DLGAP2: variants seen among roughly 807,000 people sequenced by gnomAD.
The protein encoded by DLGAP2 is DLG associated protein 2, also known as disks large-associated protein 2.
A neutral mutation model predicts 100.3 loss-of-function variants in DLGAP2; 26 were observed. That is an observed-to-expected ratio of 0.26 (90% CI 0.19 to 0.36). The LOEUF is 0.36. Ranked by LOEUF, DLGAP2 falls within the 10% of genes least tolerant of loss-of-function variation. DLGAP2 has a pLI of 1.00. For missense variants in DLGAP2, 1,858 were observed against 1,453.2 expected (o/e 1.28, Z -4.53); for synonymous variants, 886 against 630.1 (o/e 1.41, Z -6.08).
chr8:837,266 C>T (rs1199555059), intron 1 of DLGAP2, among the ~76,000 whole-genome samples: 1 of 152,232 alleles, frequency 6.6e-6, no homozygotes, highest in Non-Finnish European at 1.5e-5. Context: ...CTGGCCAGTC[C>T]TCGGACCTGT....
intron 2 of DLGAP2, among the ~76,000 whole-genome samples, chr8:983,096 G>C (rs1800385618): frequency 6.6e-6 from 1 of 152,154 alleles, no homozygotes; most frequent in African/African-American, 2.4e-5. Context: ...CTTACCCGAT[G>C]GACCTGACGG....
At chr8:1,287,437 G>A (rs1799951604) in intron 3 of DLGAP2, among the ~76,000 whole-genome samples, 1 of 134,362 alleles carries the variant, frequency 7.4e-6, no homozygotes. Context: ...GTGTGTGTGT[G>A]TGGTTGTTAG....
At chr8:1,463,070 G>A (rs1375524741) in intron 3 of DLGAP2, among the ~76,000 whole-genome samples, 1 of 152,120 alleles carries the variant, frequency 6.6e-6, no homozygotes, top group Non-Finnish European at 1.5e-5. Context: ...CCAAAATGGT[G>A]AGCCCCCATC....
At chr8:1,056,063 A>G (rs908081542) in intron 2 of DLGAP2, among the ~76,000 whole-genome samples, 3 of 152,344 alleles carry the variant, frequency 2.0e-5, no homozygotes, top group African/African-American at 7.2e-5. Flanking sequence ...CCCAGGTAGC[A>G]ATATTTCACC....
intron 2 of DLGAP2, among the ~76,000 whole-genome samples, chr8:926,671 G>C (rs369785284): frequency 6.6e-6 from 1 of 152,254 alleles, no homozygotes; most frequent in Admixed American, 6.5e-5. Flanking sequence ...TGAGCTGAAG[G>C]GGGTGTGCGG....
chr8:1,487,536 C>T (rs1267322937), intron 3 of DLGAP2, among the ~76,000 whole-genome samples: 1 of 152,214 alleles, frequency 6.6e-6, no homozygotes, highest in Non-Finnish European at 1.5e-5. Context: ...AGGTTTAAAA[C>T]AGTGCTACTG....
At chr8:1,586,488 C>T (rs145039809) in intron 6 of DLGAP2, among the ~76,000 whole-genome samples, 8 of 152,194 alleles carry the variant, frequency 5.3e-5, no homozygotes, top group African/African-American at 1.9e-4. Context: ...TTTCAATGCT[C>T]CTGCGCTGAG....
intron 1 of DLGAP2, among the ~76,000 whole-genome samples, chr8:759,452 G>C (rs1366669299): frequency 2.0e-5 from 3 of 151,376 alleles, no homozygotes; most frequent in Admixed American, 2.0e-4. Context: ...GGTTGGGACG[G>C]GTATGCACAG....
chr8:801,444 T>A (rs2132655455), intron 1 of DLGAP2, among the ~76,000 whole-genome samples: 1 of 152,322 alleles, frequency 6.6e-6, no homozygotes, highest in African/African-American at 2.4e-5. Flanking sequence ...GGCTTGGAAG[T>A]GCTGCCCTCA....
At chr8:1,460,250 C>G (rs1177594695) in intron 3 of DLGAP2, among the ~76,000 whole-genome samples, 2 of 152,212 alleles carry the variant, frequency 1.3e-5, no homozygotes, top group Non-Finnish European at 2.9e-5. Context: ...TACAACAGAG[C>G]CATGTTCTCT....
chr8:1,445,797 T>A (rs1051975509), intron 3 of DLGAP2, among the ~76,000 whole-genome samples: 6 of 152,194 alleles, frequency 3.9e-5, no homozygotes, highest in African/African-American at 7.2e-5. Context: ...TGGTGTGAGA[T>A]GGTATCTCAC....
At chr8:1,116,719 T>C (rs918440163) in intron 2 of DLGAP2, among the ~76,000 whole-genome samples, 3 of 151,908 alleles carry the variant, frequency 2.0e-5, no homozygotes, top group African/African-American at 7.3e-5. Flanking sequence ...AAGGATTGCC[T>C]GAGTTCAGGA....
At chr8:1,684,203 A>T (rs1057231591) in intron 12 of DLGAP2, among the ~76,000 whole-genome samples, 1 of 151,798 alleles carries the variant, frequency 6.6e-6, no homozygotes, top group East Asian at 2.0e-4. Context: ...CAAGGAACAG[A>T]GAATGGATGA....
chr8:1,344,979 G>C (rs1474287068), intron 3 of DLGAP2, among the ~76,000 whole-genome samples: 1 of 152,224 alleles, frequency 6.6e-6, no homozygotes, highest in Non-Finnish European at 1.5e-5. Context: ...TAGACCGCCA[G>C]TTAATCACTT....
intron 8 of DLGAP2, among the ~76,000 whole-genome samples, chr8:1,640,259 A>G (rs1237859435): frequency 6.6e-6 from 1 of 152,114 alleles, no homozygotes; most frequent in Non-Finnish European, 1.5e-5. Flanking sequence ...CGCTGTGTGC[A>G]GGCTCAGAGT....
At chr8:1,156,742 C>T (rs977239555) in intron 2 of DLGAP2, among the ~76,000 whole-genome samples, 2 of 152,166 alleles carry the variant, frequency 1.3e-5, no homozygotes, top group Admixed American at 6.5e-5. Context: ...CTCAGCACCC[C>T]CGTTTGGTGC....
chr8:1,486,157 G>A (rs1383642954), intron 3 of DLGAP2, among the ~76,000 whole-genome samples: 1 of 152,122 alleles, frequency 6.6e-6, no homozygotes, highest in Non-Finnish European at 1.5e-5. Context: ...ACCACCCTTG[G>A]CACAAACAGC....
chr8:1,270,632 A>G (rs532402570), intron 3 of DLGAP2, among the ~76,000 whole-genome samples: 11 of 152,150 alleles, frequency 7.2e-5, no homozygotes, highest in Non-Finnish European at 1.0e-4. Context: ...ACGTTCTCCC[A>G]GTAAAATTTC....
intron 2 of DLGAP2, among the ~76,000 whole-genome samples, chr8:1,026,415 C>T (rs770566465): frequency 3.3e-5 from 5 of 152,180 alleles, no homozygotes; most frequent in Admixed American, 2.0e-4. Context: ...GGACGCCCGC[C>T]GCCTTGGCTG....
Sources: allele counts gnomAD v4.1 joint callset (sites outside exome capture counted in the v4.1 genomes callset), GRCh38; gene constraint gnomAD v4.1.1; transcripts MANE v1.5; gene names NCBI Gene and HGNC (gene_info 2026-07-23, HGNC 2026-07-21).